The following FCHSD2 variants were observed in gnomAD, a reference collection of about 807,000 sequenced individuals.
FCHSD2 encodes the protein FCH and double SH3 domains 2, also known as F-BAR and double SH3 domains protein 2.
Under a neutral mutation model 108.1 loss-of-function variants are expected in FCHSD2, and 38 were observed. The ratio of observed to expected loss-of-function variants is 0.35; its 90% CI spans 0.27 to 0.46. The LOEUF is 0.46. Ranked by LOEUF, FCHSD2 falls within the 20% of genes least tolerant of loss-of-function variation. The pLI is 1.00. For synonymous variants in FCHSD2, 279 were observed against 314.7 expected, an observed-to-expected ratio of 0.89 and a Z score of 1.20; for missense variants, 751 against 897.8, an observed-to-expected ratio of 0.84 and a Z score of 2.09.
chr11:73,122,485 G>T (rs779163944), intron 2 of FCHSD2, among the ~76,000 whole-genome samples: 1 of 152,170 alleles, frequency 6.6e-6, no homozygotes, highest in Non-Finnish European at 1.5e-5. Context: ...CTTCTTTCTT[G>T]ATCTGCTCTT....
chr11:73,129,323 T>C (rs1860936559), intron 2 of FCHSD2, among the ~76,000 whole-genome samples: 1 of 152,204 alleles, frequency 6.6e-6, no homozygotes, highest in Admixed American at 6.5e-5. Flanking sequence ...GTCTGTGGCC[T>C]GTTAGGAACT....
At chr11:72,916,708 T>C (rs1046527654) in intron 9 of FCHSD2, among the ~76,000 whole-genome samples, 3 of 152,238 alleles carry the variant, frequency 2.0e-5, no homozygotes, top group Admixed American at 2.0e-4. Flanking sequence ...AGATATGTGA[T>C]GTGCAAATAT....
At chr11:73,141,761 C>T in intron 1 of FCHSD2, 96 bp downstream of exon 1, 1 of 1,334,142 alleles carries the variant, frequency 7.5e-7, no homozygotes, top group Non-Finnish European at 1.0e-6. Context: ...GCGGTCACGG[C>T]CCCTTGCGGG....
At chr11:73,100,027 C>T (rs1425825211) in intron 2 of FCHSD2, among the ~76,000 whole-genome samples, 2 of 152,166 alleles carry the variant, frequency 1.3e-5, no homozygotes, top group African/African-American at 4.8e-5. Flanking sequence ...CGCTGCCTTC[C>T]CTGACGCACC....
rs76749858 is a variant in FCHSD2 at position 73,028,124 on chromosome 11, G to C, written c.166-12239C>G. Among the ~76,000 whole-genome samples, 803 of 152,244 alleles carry C rather than the reference G, an allele frequency of 5.3e-3. 8 individuals are homozygous for C. The highest frequency in any genetic ancestry group is 0.018 in the African/African-American group (759 of 41,524). ...TCACAGGGGCACTGCCTACTGGAGG[G>C]GTGAGAAGAGAGCCACCATCCTCCA... On this transcript the variant is annotated intron_variant, in intron 3 of 19. Transcript: ENST00000409418.
At chr11:72,874,343 T>C (rs1181139344) in intron 12 of FCHSD2, among the ~76,000 whole-genome samples, 17 of 152,128 alleles carry the variant, frequency 1.1e-4, no homozygotes, top group Non-Finnish European at 1.5e-5. Context: ...CATGCCACCA[T>C]GCCTGGCTAA....
chr11:73,038,205 G>C (rs929069737), intron 3 of FCHSD2, among the ~76,000 whole-genome samples: 5 of 152,034 alleles, frequency 3.3e-5, no homozygotes, highest in Admixed American at 3.3e-4. Context: ...AACTGGGCGT[G>C]GTAGTGCATG....
At chr11:73,136,576 T>C (rs1354981280) in intron 2 of FCHSD2, among the ~76,000 whole-genome samples, 2 of 152,096 alleles carry the variant, frequency 1.3e-5, no homozygotes. Context: ...AATTATCTAC[T>C]ACTAATTTCT....
At chr11:72,968,968 C>T (rs1856962520) in intron 8 of FCHSD2, among the ~76,000 whole-genome samples, 1 of 152,180 alleles carries the variant, frequency 6.6e-6, no homozygotes, top group Non-Finnish European at 1.5e-5. Flanking sequence ...AGGCTTTGTC[C>T]AGTGATTCAT....
chr11:72,908,418 A>G (rs1199546383), intron 9 of FCHSD2, among the ~76,000 whole-genome samples: 1 of 152,238 alleles, frequency 6.6e-6, no homozygotes, highest in Non-Finnish European at 1.5e-5. Context: ...TTGCTGAATC[A>G]TAAGGCAGTT....
Position 73,141,953 on chromosome 11 carries a change from G to A in FCHSD2, c.-76C>T. 7.0e-7 allele frequency: 1 copy of A among 1,434,216 alleles called. No individual in the cohort carries two copies. Among genetic ancestry groups the A allele is most frequent in the Admixed American group, 2.2e-5 (1 of 46,490 alleles). 88.8% of individuals were successfully genotyped at this position (1,434,216 alleles called of 1,614,324 possible). A position where few individuals can be genotyped will look rare whatever the true frequency, so the allele number is the denominator to read the frequency against. ...GGAGGAGGAGGAGGGCCGGAGAGGA[G>A]GGGACGGCCCAGCGAGCGCGCGCGT... On this transcript the variant is annotated 5_prime_UTR_variant, in exon 1 of 20. Coordinates refer to ENST00000409418, the MANE Select transcript of FCHSD2 (RefSeq NM_014824.3).
At chr11:73,069,888 C>T (rs1055873805) in intron 3 of FCHSD2, among the ~76,000 whole-genome samples, 3 of 152,058 alleles carry the variant, frequency 2.0e-5, no homozygotes, top group Non-Finnish European at 2.9e-5. Context: ...ATCTAAATCA[C>T]TTATCAGATT....
intron 8 of FCHSD2, chr11:72,940,751 T>C: frequency 3.5e-6 from 3 of 854,484 alleles, no homozygotes; most frequent in Non-Finnish European, 6.0e-6. Context: ...GGCAAGCCTG[T>C]TCATCATGGT....
rs1565110096 is a variant in FCHSD2 at position 73,140,162 on chromosome 11, TACAAATTTAACCCAAAAAA to T, written c.22-53_22-35del. ...TACCATATATTTATGAAGGTCTTTT[TACAAATTTAACCCAAAAAA>T]ATTGCTTCAGGAAAATACATCTGTC... On this transcript the variant is annotated intron_variant, in intron 1 of 19. Coordinates refer to ENST00000409418, the MANE Select transcript of FCHSD2 (RefSeq NM_014824.3). The T allele has an allele frequency of 2.2e-6, 3 of 1,343,314 alleles. No individual in the cohort carries two copies. In the Admixed American group the frequency reaches 7.6e-5, roughly 34 times the overall value. 83.2% of individuals were successfully genotyped at this position (1,343,314 alleles called of 1,614,324 possible).
chr11:72,851,136 G>T (rs1861277926), intron 13 of FCHSD2, among the ~76,000 whole-genome samples: 1 of 145,754 alleles, frequency 6.9e-6, no homozygotes, highest in Admixed American at 6.8e-5. Context: ...GTTGCTAAGT[G>T]CTACCAAGGA....
Position 72,984,133 on chromosome 11 carries a change from T to C in FCHSD2, c.660A>G (p.Ala220=). 6.2e-7 allele frequency: 1 copy of C among 1,613,546 alleles called. No homozygotes were observed. Among genetic ancestry groups the C allele is most frequent in the Admixed American group, 1.7e-5 (1 of 60,022 alleles). Reference sequence around the variant, plus strand: ...CTGTTTGATAGTAGCGATCCTGATGTGCATTTGCTGCCGCTAGGGTAAGAA... The same window carrying C: ...CTGTTTGATAGTAGCGATCCTGATGCGCATTTGCTGCCGCTAGGGTAAGAA... ...DYLLTLAAAN[A]HQDRYYQTDL... The change falls in exon 8 of 20, where the codon GCA becomes GCG. Residue 220 remains alanine (A), a synonymous_variant. Transcript: ENST00000409418.
chr11:72,926,905 T>C (rs1222877688), intron 8 of FCHSD2, among the ~76,000 whole-genome samples: 2 of 152,246 alleles, frequency 1.3e-5, no homozygotes, highest in Non-Finnish European at 2.9e-5. Flanking sequence ...CAGATGTGCA[T>C]TATTTAACAT....
intron 12 of FCHSD2, among the ~76,000 whole-genome samples, chr11:72,873,596 T>C (rs923201219): frequency 6.6e-6 from 1 of 152,214 alleles, no homozygotes; most frequent in African/African-American, 2.4e-5. Flanking sequence ...GATGTCTAAT[T>C]TATCTAGTTT....
intron 12 of FCHSD2, among the ~76,000 whole-genome samples, chr11:72,868,267 A>G (rs1377061717): frequency 6.6e-6 from 1 of 152,174 alleles, no homozygotes; most frequent in Non-Finnish European, 1.5e-5. Flanking sequence ...CAAACACTCC[A>G]TGTTCTCACT....
Sources: allele counts gnomAD v4.1 joint callset (sites outside exome capture counted in the v4.1 genomes callset), GRCh38; gene constraint gnomAD v4.1.1; transcripts MANE v1.5; gene names NCBI Gene and HGNC (gene_info 2026-07-23, HGNC 2026-07-21).